RSU1: variants seen among roughly 807,000 people sequenced by gnomAD.
RSU1 encodes the protein rsu-1.
Under a neutral mutation model 31.1 loss-of-function variants are expected in RSU1, and 26 were observed. That is an observed-to-expected ratio of 0.84 (90% CI 0.61 to 1.16). RSU1 has a LOEUF of 1.16. Ranked by LOEUF, RSU1 falls within the 50% of genes most tolerant of loss-of-function variation. The probability of loss-of-function intolerance (pLI) is 0.00; values close to 1 mark genes in which losing one functional copy is unlikely to be tolerated. For missense variants in RSU1, 320 were observed against 339.1 expected (o/e 0.94, Z 0.44); for synonymous variants, 164 against 136.3 (o/e 1.20, Z -1.41).
Position 16,595,204 on chromosome 10 carries a change from G to A in RSU1, c.732-1708C>T, listed in dbSNP as rs56977774. Among the ~76,000 whole-genome samples the A allele has an allele frequency of 6.5e-3, 990 of 152,342 alleles. 8 individuals are homozygous for A. Among genetic ancestry groups the A allele is most frequent in the African/African-American group, 0.021 (879 of 41,566 alleles). On this transcript the variant is annotated intron_variant, in intron 8 of 8. Coordinates refer to ENST00000345264, the MANE Select transcript of RSU1 (RefSeq NM_012425.4). ...AGTGGGATTACAGGGATGAGCCACT[G>A]TGCCTGGCGTCCAATACTAGTGTTC...
intron 7 of RSU1, among the ~76,000 whole-genome samples, chr10:16,741,770 G>T (rs1836758374): frequency 6.6e-6 from 1 of 152,180 alleles, no homozygotes; most frequent in South Asian, 2.1e-4. Flanking sequence ...GTAAAGGGAA[G>T]GTAGGAAGCA....
At chr10:16,795,080 G>A (rs370889751) in intron 2 of RSU1, among the ~76,000 whole-genome samples, 27 of 152,324 alleles carry the variant, frequency 1.8e-4, no homozygotes, top group African/African-American at 6.5e-4. Context: ...CAGTCCCGGC[G>A]TGGTGGCTCA....
At chr10:16,775,909 CTG>C (rs924835735) in intron 3 of RSU1, among the ~76,000 whole-genome samples, 3 of 152,194 alleles carry the variant, frequency 2.0e-5, no homozygotes, top group African/African-American at 7.2e-5. Context: ...CATTTACACT[CTG>C]TTAAAATGCG....
At chr10:16,651,212 T>C (rs145379316) in intron 8 of RSU1, among the ~76,000 whole-genome samples, 2 of 152,346 alleles carry the variant, frequency 1.3e-5, no homozygotes, top group East Asian at 1.9e-4. Context: ...AAACAAGGCA[T>C]ACAGGATTGA....
At chr10:16,815,258 C>T (rs1040496842) in intron 2 of RSU1, among the ~76,000 whole-genome samples, 1 of 152,214 alleles carries the variant, frequency 6.6e-6, no homozygotes, top group Non-Finnish European at 1.5e-5. Context: ...TAGTACACAA[C>T]CTAAGTTTAA....
At chr10:16,666,988 G>C (rs1428744085) in intron 8 of RSU1, among the ~76,000 whole-genome samples, 1 of 151,198 alleles carries the variant, frequency 6.6e-6, no homozygotes, top group South Asian at 2.1e-4. Flanking sequence ...GACAGAGTGA[G>C]ACTCCGCATC....
intron 2 of RSU1, among the ~76,000 whole-genome samples, chr10:16,787,448 A>G (rs1303544960): frequency 6.6e-6 from 1 of 152,000 alleles, no homozygotes. Flanking sequence ...CCCTTCACCA[A>G]GGCGCCAATG....
intron 7 of RSU1, among the ~76,000 whole-genome samples, chr10:16,707,179 AT>A (rs1459829237): frequency 1.3e-5 from 2 of 152,156 alleles, no homozygotes; most frequent in African/African-American, 4.8e-5. Context: ...TATCTTAGTT[AT>A]TGTAAACAGT....
chr10:16,798,333 G>A (rs927167438), intron 2 of RSU1, among the ~76,000 whole-genome samples: 1 of 152,138 alleles, frequency 6.6e-6, no homozygotes, highest in Non-Finnish European at 1.5e-5. Flanking sequence ...TAAAAGTTCT[G>A]ATATGGTTAG....
chr10:16,720,125 G>C (rs1052464463), intron 7 of RSU1, among the ~76,000 whole-genome samples: 1 of 152,068 alleles, frequency 6.6e-6, no homozygotes, highest in Non-Finnish European at 1.5e-5. Flanking sequence ...TTTCCTTCCC[G>C]CAACTCTTTC....
intron 8 of RSU1, among the ~76,000 whole-genome samples, chr10:16,669,587 T>C (rs1835069851): frequency 1.3e-5 from 2 of 152,126 alleles, no homozygotes; most frequent in African/African-American, 4.8e-5. Context: ...ATCTTCTTTT[T>C]TTTGTTTGTT....
At chr10:16,702,407 C>T (rs1247930885) in intron 7 of RSU1, among the ~76,000 whole-genome samples, 7 of 152,260 alleles carry the variant, frequency 4.6e-5, no homozygotes, top group Non-Finnish European at 7.3e-5. Flanking sequence ...AAGCTGCAGG[C>T]ACTCAACGCC....
At chr10:16,616,946 G>C (rs1833987917) in intron 8 of RSU1, among the ~76,000 whole-genome samples, 1 of 152,158 alleles carries the variant, frequency 6.6e-6, no homozygotes, top group African/African-American at 2.4e-5. Flanking sequence ...ACAAGACAAA[G>C]ATGCCCTCTC....
intron 2 of RSU1, among the ~76,000 whole-genome samples, chr10:16,798,975 T>C (rs946339416): frequency 2.0e-5 from 3 of 152,208 alleles, no homozygotes; most frequent in African/African-American, 4.8e-5. Flanking sequence ...GATTATTCTC[T>C]TGATGCCTTT....
chr10:16,745,857 T>C (rs1291082746), intron 7 of RSU1, among the ~76,000 whole-genome samples: 1 of 152,178 alleles, frequency 6.6e-6, no homozygotes, highest in Non-Finnish European at 1.5e-5. Context: ...AAAAACGTTT[T>C]AAACCTCTGG....
chr10:16,801,948 A>G (rs2131672174), intron 2 of RSU1, among the ~76,000 whole-genome samples: 1 of 152,220 alleles, frequency 6.6e-6, no homozygotes, highest in African/African-American at 2.4e-5. Flanking sequence ...GGTTGGTGCA[A>G]AAGTAATGGC....
chr10:16,810,889 G>C (rs1417951691), intron 2 of RSU1, among the ~76,000 whole-genome samples: 1 of 152,028 alleles, frequency 6.6e-6, no homozygotes, highest in East Asian at 1.9e-4. Context: ...GGCAGTGGTG[G>C]CATGTGCCTG....
At chr10:16,595,756 C>T (rs949077334) in intron 8 of RSU1, among the ~76,000 whole-genome samples, 7 of 152,042 alleles carry the variant, frequency 4.6e-5, no homozygotes, top group Non-Finnish European at 7.4e-5. Flanking sequence ...ATCACGAGGT[C>T]AAGAGATGGA....
intron 8 of RSU1, among the ~76,000 whole-genome samples, chr10:16,614,679 C>G (rs1405752535): frequency 6.6e-6 from 1 of 152,088 alleles, no homozygotes; most frequent in African/African-American, 2.4e-5. Flanking sequence ...AAAGAGGAAA[C>G]AGCCACTTTT....
Sources: allele counts gnomAD v4.1 joint callset (sites outside exome capture counted in the v4.1 genomes callset), GRCh38; gene constraint gnomAD v4.1.1; transcripts MANE v1.5; gene names NCBI Gene and HGNC (gene_info 2026-07-23, HGNC 2026-07-21).